Variants in LRBA observed in about 807,000 individuals in gnomAD.
LRBA encodes LPS responsive beige-like anchor protein.
A neutral mutation model predicts 330.0 loss-of-function variants in LRBA; 176 were observed. The observed-to-expected ratio is 0.53, with a 90% CI of 0.47 to 0.60. The LOEUF (loss-of-function observed/expected upper bound fraction) is 0.60, where lower values mean the gene tolerates loss of function less well. LRBA is among the 20% of genes least tolerant of loss of function. LRBA has a pLI of 0.00. For synonymous variants in LRBA, 1,230 were observed against 1,193.0 expected (o/e 1.03, Z -0.64); for missense variants, 3,259 against 3,444.8 (o/e 0.95, Z 1.35).
intron 51 of LRBA, 125 bp downstream of exon 51, chr4:150,315,436 A>C: frequency 3.7e-6 from 3 of 801,278 alleles, no homozygotes; most frequent in African/African-American, 1.7e-5. Context: ...TCCAATTTGC[A>C]TGCAAATGGT....
At chr4:150,902,366 T>C (rs1730835087) in intron 13 of LRBA, among the ~76,000 whole-genome samples, 1 of 152,124 alleles carries the variant, frequency 6.6e-6, no homozygotes, top group African/African-American at 2.4e-5. Context: ...TGAAAAACTT[T>C]TCTTTTTTTT....
At chr4:150,677,287 T>C (rs2126889699) in intron 37 of LRBA, among the ~76,000 whole-genome samples, 1 of 152,264 alleles carries the variant, frequency 6.6e-6, no homozygotes, top group Admixed American at 6.5e-5. Flanking sequence ...ATAAATTGAT[T>C]ATAAATGCCA....
At chr4:150,560,547 G>C (rs1333567376) in intron 40 of LRBA, among the ~76,000 whole-genome samples, 1 of 152,038 alleles carries the variant, frequency 6.6e-6, no homozygotes, top group Non-Finnish European at 1.5e-5. Context: ...AATACCACTG[G>C]CGAATCATTC....
intron 44 of LRBA, among the ~76,000 whole-genome samples, chr4:150,456,862 G>C (rs1181645409): frequency 1.3e-5 from 2 of 152,004 alleles, no homozygotes; most frequent in Admixed American, 6.6e-5. Flanking sequence ...TTAGAGATAA[G>C]GTTCTAGTTT....
chr4:150,863,068 C>CG (rs1560931142), intron 22 of LRBA, among the ~76,000 whole-genome samples: 1 of 151,956 alleles, frequency 6.6e-6, no homozygotes. Context: ...GAGGCCCAGG[C>CG]GGGGGGCCAC....
At chr4:150,333,358 T>C (rs770053563) in intron 48 of LRBA, among the ~76,000 whole-genome samples, 8 of 152,098 alleles carry the variant, frequency 5.3e-5, no homozygotes, top group Non-Finnish European at 8.8e-5. Flanking sequence ...TATTTACATC[T>C]GAACGCACTA....
At chr4:150,953,095 T>C (rs900123283) in intron 2 of LRBA, among the ~76,000 whole-genome samples, 3 of 152,166 alleles carry the variant, frequency 2.0e-5, no homozygotes, top group Non-Finnish European at 4.4e-5. Context: ...TCACAAATGA[T>C]CATTTCTATC....
intron 2 of LRBA, among the ~76,000 whole-genome samples, chr4:150,950,860 C>T (rs961204066): frequency 2.6e-5 from 4 of 152,158 alleles, no homozygotes; most frequent in African/African-American, 9.7e-5. Context: ...ATATACTTCC[C>T]CCTTCTACTG....
intron 38 of LRBA, among the ~76,000 whole-genome samples, chr4:150,593,030 T>C (rs962520252): frequency 6.6e-6 from 1 of 152,182 alleles, no homozygotes; most frequent in Non-Finnish European, 1.5e-5. Flanking sequence ...ATATTTCAAG[T>C]ATTTATAGTT....
chr4:150,903,569 T>C (rs949886474), intron 13 of LRBA, among the ~76,000 whole-genome samples: 1 of 151,390 alleles, frequency 6.6e-6, no homozygotes, highest in African/African-American at 2.4e-5. Flanking sequence ...CAAAACATCA[T>C]CTCTACAAAA....
At chr4:150,529,369 G>A (rs996216414) in intron 40 of LRBA, among the ~76,000 whole-genome samples, 1 of 152,110 alleles carries the variant, frequency 6.6e-6, no homozygotes. Flanking sequence ...GTGGTAACAG[G>A]AGTGGGGATG....
chr4:150,986,432 T>C (rs766494313), intron 2 of LRBA, among the ~76,000 whole-genome samples: 6 of 152,216 alleles, frequency 3.9e-5, no homozygotes, highest in East Asian at 1.9e-4. Context: ...CTGAGGTACA[T>C]AGACCTGAGG....
chr4:150,320,106 G>T (rs6837957), intron 50 of LRBA, among the ~76,000 whole-genome samples: 92,415 of 151,916 alleles, frequency 0.61, 28,657 homozygotes, highest in Non-Finnish European at 0.68. Flanking sequence ...GCTAAATCCA[G>T]GTCCCAACTT....
intron 47 of LRBA, among the ~76,000 whole-genome samples, chr4:150,378,570 T>C (rs1262865711): frequency 1.3e-5 from 2 of 152,222 alleles, no homozygotes; most frequent in Non-Finnish European, 2.9e-5. Context: ...GGATGTAAAA[T>C]GCTGGGAAAC....
intron 2 of LRBA, among the ~76,000 whole-genome samples, chr4:151,000,763 G>C (rs887897396): frequency 1.3e-5 from 2 of 152,118 alleles, no homozygotes; most frequent in Non-Finnish European, 2.9e-5. Context: ...CCTCCACTAG[G>C]AATAACCAAA....
At chr4:150,565,087 C>A (rs542440135) in intron 40 of LRBA, among the ~76,000 whole-genome samples, 2 of 152,130 alleles carry the variant, frequency 1.3e-5, no homozygotes, top group South Asian at 4.1e-4. Context: ...TGTACAATAG[C>A]AAAGACATGG....
intron 46 of LRBA, among the ~76,000 whole-genome samples, chr4:150,430,396 C>T (rs1177631316): frequency 6.6e-6 from 1 of 152,286 alleles, no homozygotes; most frequent in Middle Eastern, 3.4e-3. Context: ...AGTTCATCCT[C>T]TTTCACAAAG....
chr4:150,639,817 GTGTATA>G (rs1778443071), intron 37 of LRBA, among the ~76,000 whole-genome samples: 23 of 5,358 alleles, frequency 4.3e-3, no homozygotes, highest in African/African-American at 9.7e-3. Context: ...GTGTGTGTGT[GTGTATA>G]TATATATATA....
intron 44 of LRBA, among the ~76,000 whole-genome samples, chr4:150,447,192 GTA>G (rs1363291346): frequency 6.6e-6 from 1 of 152,080 alleles, no homozygotes; most frequent in Non-Finnish European, 1.5e-5. Context: ...ATAACCTCAT[GTA>G]ACACAAATCA....
Sources: allele counts gnomAD v4.1 joint callset (sites outside exome capture counted in the v4.1 genomes callset), GRCh38; gene constraint gnomAD v4.1.1; transcripts MANE v1.5; gene names NCBI Gene and HGNC (gene_info 2026-07-23, HGNC 2026-07-21).